Variants in SOX5 observed in about 807,000 individuals in gnomAD.
The protein encoded by SOX5 is transcription factor SOX-5.
SOX5 carries 9 observed loss-of-function variants against 92.0 expected under a neutral mutation model. The ratio of observed to expected loss-of-function variants is 0.10; its 90% CI spans 0.06 to 0.17. The LOEUF is 0.17. SOX5 is among the 10% of genes least tolerant of loss of function. The pLI is 1.00. For synonymous variants in SOX5, 344 were observed against 336.3 expected, an observed-to-expected ratio of 1.02 and a Z score of -0.25; for missense variants, 642 against 944.5, an observed-to-expected ratio of 0.68 and a Z score of 4.20.
intron 2 of SOX5, among the ~76,000 whole-genome samples, chr12:24,339,857 T>C (rs1317244063): frequency 3.3e-5 from 5 of 152,204 alleles, no homozygotes; most frequent in East Asian, 3.9e-4. Context: ...GAGCTTACAA[T>C]TGAGCCACTT....
chr12:23,656,827 A>G (rs1334020889), intron 7 of SOX5, among the ~76,000 whole-genome samples: 1 of 152,054 alleles, frequency 6.6e-6, no homozygotes, highest in Non-Finnish European at 1.5e-5. Flanking sequence ...AAAAACATGT[A>G]TAAAATTAAT....
intron 13 of SOX5, among the ~76,000 whole-genome samples, chr12:23,541,351 A>G (rs1565652832): frequency 6.6e-6 from 1 of 152,202 alleles, no homozygotes; most frequent in Admixed American, 6.5e-5. Flanking sequence ...CTTAGTATTT[A>G]ACTTGGTTTT....
At chr12:24,326,988 T>G (rs988344808) in intron 2 of SOX5, among the ~76,000 whole-genome samples, 1 of 152,198 alleles carries the variant, frequency 6.6e-6, no homozygotes, top group African/African-American at 2.4e-5. Context: ...TACCTAGCAT[T>G]TGGCACAGCG....
At chr12:23,588,047 G>A (rs1228375853) in intron 9 of SOX5, among the ~76,000 whole-genome samples, 1 of 152,028 alleles carries the variant, frequency 6.6e-6, no homozygotes, top group African/African-American at 2.4e-5. Flanking sequence ...CAGTGACCAG[G>A]AGAGAACTGA....
At chr12:23,579,147 A>G (rs552233548) in intron 9 of SOX5, among the ~76,000 whole-genome samples, 1 of 152,236 alleles carries the variant, frequency 6.6e-6, no homozygotes, top group East Asian at 1.9e-4. Context: ...AAGCACTAAT[A>G]ACTATTACAT....
intron 1 of SOX5, among the ~76,000 whole-genome samples, chr12:24,446,478 TA>T (rs1941493102): frequency 6.6e-6 from 1 of 152,140 alleles, no homozygotes; most frequent in Non-Finnish European, 1.5e-5. Flanking sequence ...AGCATATGGC[TA>T]AAATACACTG....
intron 12 of SOX5, among the ~76,000 whole-genome samples, chr12:23,545,064 A>C (rs1942843636): frequency 6.6e-6 from 1 of 152,230 alleles, no homozygotes; most frequent in Non-Finnish European, 1.5e-5. Flanking sequence ...ATTGAATCCA[A>C]TTGAGTAAAA....
chr12:23,745,510 TC>T (rs2093952469), intron 4 of SOX5, among the ~76,000 whole-genome samples: 1 of 152,032 alleles, frequency 6.6e-6, no homozygotes, highest in South Asian at 2.1e-4. Flanking sequence ...ATTAACGAGG[TC>T]CTTCAAAATA....
chr12:24,091,774 C>A (rs1422584374), intron 4 of SOX5, among the ~76,000 whole-genome samples: 6 of 152,048 alleles, frequency 3.9e-5, no homozygotes, highest in African/African-American at 1.4e-4. Context: ...ATCAGAAAAT[C>A]CTAGTTAGGT....
chr12:23,919,271 T>G (rs756948759), intron 1 of SOX5, among the ~76,000 whole-genome samples: 2 of 152,114 alleles, frequency 1.3e-5, no homozygotes, highest in Non-Finnish European at 2.9e-5. Context: ...CATACAATCA[T>G]GAAAAACCAA....
chr12:23,832,585 T>C lies in SOX5; in HGVS notation c.481+13398A>G, dbSNP rs1226054260. ...AGGGTGAAATAATGACAATAACTGG[T>C]ACAATTCCAAGTTGTTTATAATTTA... On this transcript the variant is annotated intron_variant, in intron 3 of 14. Coordinates refer to ENST00000451604, the MANE Select transcript of SOX5 (RefSeq NM_006940.6). 3.3e-5 allele frequency among the ~76,000 whole-genome samples: 5 copies of C among 152,056 alleles called. No individual in the cohort carries two copies. In the East Asian group the frequency reaches 9.6e-4, roughly 29 times the overall value.
intron 1 of SOX5, among the ~76,000 whole-genome samples, chr12:24,395,519 C>G (rs913673756): frequency 6.6e-6 from 1 of 152,134 alleles, no homozygotes; most frequent in African/African-American, 2.4e-5. Context: ...TGGTGGAAAA[C>G]CCACTGAATT....
At chr12:24,104,027 T>C (rs984010158) in intron 4 of SOX5, among the ~76,000 whole-genome samples, 2 of 152,198 alleles carry the variant, frequency 1.3e-5, no homozygotes, top group South Asian at 2.1e-4. Context: ...CAGGAAAGTT[T>C]TGAGTCTATT....
intron 4 of SOX5, among the ~76,000 whole-genome samples, chr12:24,115,818 T>C (rs956801044): frequency 2.6e-5 from 4 of 152,188 alleles, no homozygotes; most frequent in Admixed American, 6.5e-5. Flanking sequence ...TAATTGTGTT[T>C]TCAGAACATC....
intron 2 of SOX5, among the ~76,000 whole-genome samples, chr12:23,863,838 ACACT>A (rs1302765809): frequency 6.4e-5 from 9 of 141,598 alleles, no homozygotes; most frequent in Middle Eastern, 7.1e-3. Flanking sequence ...ACACACACAC[ACACT>A]CTGAAATAAA....
chr12:24,029,805 T>C (rs1387433245), intron 4 of SOX5, among the ~76,000 whole-genome samples: 1 of 152,010 alleles, frequency 6.6e-6, no homozygotes, highest in Non-Finnish European at 1.5e-5. Context: ...GAAAATGAAA[T>C]TATGTTTTTA....
chr12:24,534,071 A>G (rs1357146729), intron 1 of SOX5, among the ~76,000 whole-genome samples: 1 of 152,228 alleles, frequency 6.6e-6, no homozygotes, highest in African/African-American at 2.4e-5. Flanking sequence ...AGGATATTAA[A>G]CAACACAAAT....
chr12:24,015,094 G>GTC (rs371463807), intron 4 of SOX5, among the ~76,000 whole-genome samples: 12 of 150,866 alleles, frequency 8.0e-5, no homozygotes, highest in Admixed American at 2.0e-4. Flanking sequence ...TTCTCTTTCT[G>GTC]TCTCTCTCTC....
rs77871059 is a variant in SOX5, at chr12:23,993,231, T to C, written c.-1-97207A>G. Among the ~76,000 whole-genome samples the C allele has an allele frequency of 5.9e-3, 894 of 152,326 alleles. 4 individuals carry two copies. The highest frequency in any genetic ancestry group is 7.9e-3 in the Non-Finnish European group (539 of 68,020). ...ATGAAACACACAATTTCAGCTTTAATAAGCTGACTTCACAGTGACATAAAG... is the reference window on the plus strand; with the variant it reads ...ATGAAACACACAATTTCAGCTTTAACAAGCTGACTTCACAGTGACATAAAG... On this transcript the variant is annotated intron_variant, in intron 4 of 4. Transcript: ENST00000446891.
Sources: allele counts gnomAD v4.1 joint callset (sites outside exome capture counted in the v4.1 genomes callset), GRCh38; gene constraint gnomAD v4.1.1; transcripts MANE v1.5; gene names NCBI Gene and HGNC (gene_info 2026-07-23, HGNC 2026-07-21).